THSD7A: variants seen among roughly 807,000 people sequenced by gnomAD.
THSD7A encodes thrombospondin type 1 domain containing 7A.
THSD7A carries 96 observed loss-of-function variants against 231.3 expected under a neutral mutation model. The ratio of observed to expected loss-of-function variants is 0.41; its 90% confidence interval spans 0.35 to 0.49. The LOEUF (loss-of-function observed/expected upper bound fraction) is 0.49, where lower values mean the gene tolerates loss of function less well. Ranked by LOEUF, THSD7A falls within the 20% of genes least tolerant of loss-of-function variation. THSD7A has a pLI of 0.05. For synonymous variants in THSD7A, 940 were observed against 743.3 expected (o/e 1.26, Z -4.30); for missense variants, 2,290 against 2,070.2 (o/e 1.11, Z -2.06).
chr7:11,408,930 A>G (rs1290582285), intron 19 of THSD7A, among the ~76,000 whole-genome samples: 1 of 152,236 alleles, frequency 6.6e-6, no homozygotes, highest in East Asian at 1.9e-4. Flanking sequence ...GATAAAAATA[A>G]GTGTTACATT....
At chr7:11,613,117 A>G (rs1780987942) in intron 2 of THSD7A, among the ~76,000 whole-genome samples, 1 of 152,216 alleles carries the variant, frequency 6.6e-6, no homozygotes, top group South Asian at 2.1e-4. Context: ...GAGGTGGGAA[A>G]TAGATATAAT....
chr7:11,535,169 CT>C (rs1788862865), intron 6 of THSD7A, among the ~76,000 whole-genome samples: 1 of 152,126 alleles, frequency 6.6e-6, no homozygotes, highest in African/African-American at 2.4e-5. Context: ...ATCTACCCTA[CT>C]TTAAAAAATA....
At chr7:11,697,287 A>G (rs887065885) in intron 1 of THSD7A, among the ~76,000 whole-genome samples, 2 of 151,448 alleles carry the variant, frequency 1.3e-5, no homozygotes, top group South Asian at 2.1e-4. Context: ...TCTCCACTTT[A>G]CTCAGACTGT....
At chr7:11,786,420 C>T (rs1186892140) in intron 1 of THSD7A, among the ~76,000 whole-genome samples, 3 of 152,068 alleles carry the variant, frequency 2.0e-5, no homozygotes, top group Non-Finnish European at 4.4e-5. Flanking sequence ...ACCACTTCCA[C>T]ATTTTCTGCC....
At chr7:11,545,029 G>A (rs578202137) in intron 4 of THSD7A, among the ~76,000 whole-genome samples, 1 of 152,172 alleles carries the variant, frequency 6.6e-6, no homozygotes, top group African/African-American at 2.4e-5. Flanking sequence ...GAAATTAAAA[G>A]CTTCACTCTC....
At chr7:11,612,170 C>T (rs1234617918) in intron 2 of THSD7A, among the ~76,000 whole-genome samples, 2 of 152,156 alleles carry the variant, frequency 1.3e-5, no homozygotes, top group South Asian at 4.2e-4. Flanking sequence ...TGCTGTTCTC[C>T]CTCTCCATAG....
intron 4 of THSD7A, among the ~76,000 whole-genome samples, chr7:11,543,323 G>T (rs1789235026): frequency 6.6e-6 from 1 of 152,162 alleles, no homozygotes; most frequent in African/African-American, 2.4e-5. Context: ...AAAGGAAACT[G>T]GAGATGTCTT....
At chr7:11,445,047 G>A (rs1356142413) in intron 13 of THSD7A, among the ~76,000 whole-genome samples, 1 of 151,530 alleles carries the variant, frequency 6.6e-6, no homozygotes, top group African/African-American at 2.4e-5. Flanking sequence ...TTATAAATAT[G>A]AGATGGTTTT....
At position 11,375,559 on chromosome 7, in the gene THSD7A, T is replaced by A; in HGVS notation, c.*235A>T. On this transcript the variant is annotated 3_prime_UTR_variant, in exon 28 of 28. Transcript: ENST00000423059. ...AAAAGATGACATAAAACTTTCAGAA[T>A]GCAGCATGTATTCAGCTAAATCTCC... 2.8e-6 allele frequency: 1 copy of A among 353,616 alleles called. No homozygotes were observed. The highest frequency in any genetic ancestry group is 5.1e-6 in the Non-Finnish European group (1 of 197,926). 21.9% of individuals were successfully genotyped at this position (353,616 alleles called of 1,614,324 possible). A position where few individuals can be genotyped will look rare whatever the true frequency, so the allele number is the denominator to read the frequency against.
At chr7:11,746,179 G>T (rs1256345276) in intron 1 of THSD7A, among the ~76,000 whole-genome samples, 1 of 151,756 alleles carries the variant, frequency 6.6e-6, no homozygotes, top group African/African-American at 2.4e-5. Flanking sequence ...CATTTGCCCT[G>T]ATATTTTGTA....
At chr7:11,726,711 T>A (rs951500637) in intron 1 of THSD7A, among the ~76,000 whole-genome samples, 4 of 152,058 alleles carry the variant, frequency 2.6e-5, no homozygotes, top group Admixed American at 2.0e-4. Context: ...GGCTGTTTTA[T>A]CTGCAAATAC....
chr7:11,412,908 A>G, intron 17 of THSD7A, 108 bp from the exon 18 acceptor site: 1 of 1,293,836 alleles, frequency 7.7e-7, no homozygotes, highest in Non-Finnish European at 1.1e-6. Flanking sequence ...CCACTGGCTA[A>G]CTCAGAAAAG....
chr7:11,652,597 A>T (rs1562444904), intron 1 of THSD7A, among the ~76,000 whole-genome samples: 1 of 152,006 alleles, frequency 6.6e-6, no homozygotes, highest in Non-Finnish European at 1.5e-5. Context: ...ATACTTCTAC[A>T]TATTTATTCT....
chr7:11,685,831 T>C (rs1016012497), intron 1 of THSD7A, among the ~76,000 whole-genome samples: 3 of 151,884 alleles, frequency 2.0e-5, no homozygotes, highest in Non-Finnish European at 2.9e-5. Context: ...GAACTAAAAA[T>C]AGAATTACCA....
chr7:11,822,641 G>A (rs1784908802), intron 1 of THSD7A, among the ~76,000 whole-genome samples: 1 of 151,970 alleles, frequency 6.6e-6, no homozygotes, highest in Non-Finnish European at 1.5e-5. Flanking sequence ...TTCCATAGAG[G>A]TTGTAATAAT....
Position 11,640,596 on chromosome 7 carries a change from C to T in THSD7A, c.191-3635G>A, listed in dbSNP as rs185473920. ...ATAACTAAATATGCACGATGTTTTTCTGAAATTAGCATTGTCTTGGAGGCA... is the reference window on the plus strand; with the variant it reads ...ATAACTAAATATGCACGATGTTTTTTTGAAATTAGCATTGTCTTGGAGGCA... On this transcript the variant is annotated intron_variant, in intron 1 of 27. Transcript: ENST00000423059. Among the ~76,000 whole-genome samples the T allele has an allele frequency of 1.7e-3, 261 of 152,156 alleles. 1 individual carries two copies. Among genetic ancestry groups the T allele is most frequent in the Middle Eastern group, 3.4e-3 (1 of 294 alleles).
intron 1 of THSD7A, among the ~76,000 whole-genome samples, chr7:11,738,197 A>G (rs149462652): frequency 1.5e-4 from 23 of 152,110 alleles, no homozygotes; most frequent in Middle Eastern, 3.4e-3. Flanking sequence ...GGATTTTGGA[A>G]TATTGGCACT....
intron 4 of THSD7A, among the ~76,000 whole-genome samples, chr7:11,574,103 A>G (rs899033838): frequency 3.9e-5 from 6 of 152,292 alleles, no homozygotes; most frequent in Admixed American, 3.9e-4. Context: ...TCAGGGGAAA[A>G]TTTTGGGCTA....
intron 4 of THSD7A, among the ~76,000 whole-genome samples, chr7:11,544,922 G>A (rs898188940): frequency 2.6e-5 from 4 of 151,452 alleles, no homozygotes; most frequent in African/African-American, 9.7e-5. Flanking sequence ...CAGGATTGCT[G>A]TTTATGTGCA....
Sources: allele counts gnomAD v4.1 joint callset (sites outside exome capture counted in the v4.1 genomes callset), GRCh38; gene constraint gnomAD v4.1.1; transcripts MANE v1.5; gene names NCBI Gene and HGNC (gene_info 2026-07-23, HGNC 2026-07-21).